Variants in P2RY12 observed in about 807,000 individuals in gnomAD.
P2RY12 encodes P2Y purinoceptor 12.
In P2RY12, 3 loss-of-function variants were observed where a neutral mutation model predicts 4.5. The observed-to-expected ratio is 0.67, with a 90% CI of 0.31 to 1.74. The LOEUF (loss-of-function observed/expected upper bound fraction) is 1.74. Among genes scored for constraint, P2RY12 ranks in the 40% most tolerant of loss-of-function variants. P2RY12 has a pLI of 0.09. For missense variants in P2RY12, 356 were observed against 407.8 expected, an observed-to-expected ratio of 0.87 and a Z score of 1.09; for synonymous variants, 148 against 154.1, an observed-to-expected ratio of 0.96 and a Z score of 0.29.
chr3:151,337,742 A>C lies in P2RY12; in HGVS notation c.*75T>G. On this transcript the variant is annotated 3_prime_UTR_variant, in exon 3 of 3. Coordinates refer to ENST00000302632, the MANE Select transcript of P2RY12 (RefSeq NM_022788.5). ...TAACTTAGTTGCTTCTTCGTCAGTT[A>C]ATATTTTTACTTAGCGCTTTGCTTT... is the stretch of plus-strand genomic sequence containing the variant. The C allele has an allele frequency of 6.9e-7, 1 of 1,448,756 alleles. No homozygotes were observed. The highest frequency in any genetic ancestry group is 1.8e-4 in the Middle Eastern group (1 of 5,672). 89.7% of individuals were successfully genotyped at this position (1,448,756 alleles called of 1,614,324 possible). A position where few individuals can be genotyped will look rare whatever the true frequency, so the allele number is the denominator to read the frequency against.
At position 151,369,353 on chromosome 3, in the gene P2RY12, A is replaced by G. The variant is rs531884920; in HGVS notation, c.-180+15339T>C. The stretch of plus-strand genomic sequence containing the variant: ...GCAATTAAGCACCCACAGTCTAACA[A>G]TGAAAGGCTGACTGCCTGTAAATAA... On this transcript the variant is annotated intron_variant, in intron 1 of 2. Transcript: ENST00000302632. The G allele has an allele frequency of 4.0e-5, 38 of 940,044 alleles. 1 individual carries two copies. The South Asian group carries it at 6.3e-4, about 16-fold the overall frequency. The allele number at this position is 940,044 out of a possible 1,614,324, so 58.2% of individuals were successfully genotyped here. A position where few individuals can be genotyped will look rare whatever the true frequency, so the allele number is the denominator to read the frequency against.
intron 1 of P2RY12, among the ~76,000 whole-genome samples, chr3:151,363,712 C>T (rs926355717): frequency 3.3e-5 from 5 of 152,134 alleles, no homozygotes; most frequent in Admixed American, 1.3e-4. Context: ...TAGAGTAGTG[C>T]TTCCCAAGCA....
chr3:151,379,391 G>A (rs766268027), intron 1 of P2RY12, among the ~76,000 whole-genome samples: 6 of 152,168 alleles, frequency 3.9e-5, no homozygotes, highest in South Asian at 2.1e-4. Flanking sequence ...CCAACATGGC[G>A]CTTTGTTTGT....
intron 1 of P2RY12, chr3:151,356,150 G>T: frequency 9.1e-7 from 1 of 1,093,766 alleles, no homozygotes; most frequent in South Asian, 1.8e-5. Flanking sequence ...TTGTAATCCT[G>T]GCACTTTGGG....
At chr3:151,377,943 T>G in intron 1 of P2RY12, 1 of 1,414,630 alleles carries the variant, frequency 7.1e-7, no homozygotes, top group Admixed American at 2.4e-5. Context: ...CGCTTTGGAG[T>G]TTCTGTTATA....
intron 1 of P2RY12, chr3:151,372,519 C>A (rs1349547380): frequency 1.4e-6 from 2 of 1,400,934 alleles, no homozygotes; most frequent in Non-Finnish European, 1.0e-6. Context: ...AATTATTTGG[C>A]AATATTTTGA....
At chr3:151,375,995 C>A in intron 1 of P2RY12, 2 of 1,195,332 alleles carry the variant, frequency 1.7e-6, no homozygotes, top group Non-Finnish European at 2.3e-6. Context: ...AAAGCCAGTG[C>A]CTGTCAATCT....
intron 1 of P2RY12, among the ~76,000 whole-genome samples, chr3:151,371,712 C>A (rs933082867): frequency 6.6e-5 from 10 of 152,270 alleles, no homozygotes; most frequent in Admixed American, 5.9e-4. Flanking sequence ...CTTGTCAAGG[C>A]CTATGATCCT....
At chr3:151,367,468 T>G (rs1329167746) in intron 1 of P2RY12, among the ~76,000 whole-genome samples, 1 of 152,226 alleles carries the variant, frequency 6.6e-6, no homozygotes, top group East Asian at 1.9e-4. Context: ...CATTCATTGT[T>G]TTATAAAATA....
chr3:151,363,063 G>T (rs988293865), intron 1 of P2RY12, among the ~76,000 whole-genome samples: 8 of 151,994 alleles, frequency 5.3e-5, no homozygotes, highest in African/African-American at 1.9e-4. Context: ...GTGCAAATAG[G>T]TTAAATGAGG....
intron 1 of P2RY12, among the ~76,000 whole-genome samples, chr3:151,358,332 A>G (rs1306607780): frequency 1.3e-5 from 2 of 152,118 alleles, no homozygotes; most frequent in African/African-American, 2.4e-5. Flanking sequence ...CTACTGTATA[A>G]AGTTTGAATT....
intron 1 of P2RY12, among the ~76,000 whole-genome samples, chr3:151,342,437 G>A (rs1233537093): frequency 6.6e-6 from 1 of 152,156 alleles, no homozygotes; most frequent in African/African-American, 2.4e-5. Flanking sequence ...TTTTCACAGT[G>A]CAGAGCAGCA....
At chr3:151,344,446 A>T (rs1165078245) in intron 1 of P2RY12, among the ~76,000 whole-genome samples, 1 of 152,202 alleles carries the variant, frequency 6.6e-6, no homozygotes, top group Non-Finnish European at 1.5e-5. Flanking sequence ...ATAGCATGGT[A>T]TATTGAAAGA....
intron 1 of P2RY12, chr3:151,378,051 C>T (rs747939956): frequency 1.2e-6 from 2 of 1,610,604 alleles, no homozygotes; most frequent in Non-Finnish European, 1.7e-6. Context: ...TGGCCCCCCT[C>T]ATCGCCAGGT....
intron 1 of P2RY12, among the ~76,000 whole-genome samples, chr3:151,368,978 G>A (rs1354994055): frequency 6.6e-6 from 1 of 151,832 alleles, no homozygotes; most frequent in Non-Finnish European, 1.5e-5. Flanking sequence ...GGCCAGACTG[G>A]TCTTGAACTC....
At chr3:151,362,438 C>A (rs1030909928) in intron 1 of P2RY12, among the ~76,000 whole-genome samples, 2 of 152,038 alleles carry the variant, frequency 1.3e-5, no homozygotes, top group African/African-American at 4.8e-5. Flanking sequence ...GGCTTTTGCA[C>A]TTTATCTTAC....
chr3:151,358,751 C>T (rs904784362), intron 1 of P2RY12, among the ~76,000 whole-genome samples: 41 of 152,168 alleles, frequency 2.7e-4, no homozygotes, highest in African/African-American at 8.2e-4. Context: ...TTCACTTCTT[C>T]GTACTTATGT....
chr3:151,382,379 T>C (rs1435706061), intron 1 of P2RY12, among the ~76,000 whole-genome samples: 1 of 152,162 alleles, frequency 6.6e-6, no homozygotes, highest in Admixed American at 6.5e-5. Flanking sequence ...TATTAATGCT[T>C]AATTTGATGG....
rs1431787735 is a variant in P2RY12 at position 151,369,340 on chromosome 3, CCA to C, written c.-180+15350_-180+15351del. Reference sequence around the variant, plus strand: ...AAGCAAGCTAATGGCAATTAAGCACCCACAGTCTAACAATGAAAGGCTGACTG... The same window carrying C: ...AAGCAAGCTAATGGCAATTAAGCACCCAGTCTAACAATGAAAGGCTGACTG... On this transcript the variant is annotated intron_variant, in intron 1 of 2. Transcript: ENST00000302632. 4.8e-5 allele frequency: 36 copies of C among 756,292 alleles called. No homozygotes were observed. The South Asian group carries it at 7.4e-4, about 16-fold the overall frequency. 46.8% of individuals were successfully genotyped at this position (756,292 alleles called of 1,614,324 possible). A position where few individuals can be genotyped will look rare whatever the true frequency, so the allele number is the denominator to read the frequency against.
Sources: gnomAD v4.1 joint callset for allele counts (sites outside exome capture counted in the v4.1 genomes callset) on GRCh38, gnomAD v4.1.1 for gene constraint, MANE v1.5 for transcripts, NCBI Gene and HGNC (gene_info 2026-07-23, HGNC 2026-07-21) for gene names.